ZDHHC15: variants seen among roughly 807,000 people sequenced by gnomAD.
ZDHHC15 encodes zDHHC palmitoyltransferase 15.
ZDHHC15 carries 19 observed loss-of-function variants against 31.7 expected under a neutral mutation model. The ratio of observed to expected loss-of-function variants is 0.60; its 90% CI spans 0.42 to 0.88. The LOEUF (loss-of-function observed/expected upper bound fraction) is 0.88, where lower values mean the gene tolerates loss of function less well. ZDHHC15 is among the 40% of genes least tolerant of loss of function. The pLI, the probability that ZDHHC15 is intolerant of heterozygous loss-of-function variation, is 0.00. For synonymous variants in ZDHHC15, 103 were observed against 90.0 expected (o/e 1.14, Z -0.82); for missense variants, 209 against 251.2 (o/e 0.83, Z 1.14).
chrX:75,502,575 G>A lies in ZDHHC15; in HGVS notation c.163+3246C>T, dbSNP rs1017467922. Among the ~76,000 whole-genome samples the A allele has an allele frequency of 1.9e-4, 21 of 111,416 alleles. 1 individual carries two copies. Among genetic ancestry groups the A allele is most frequent in the African/African-American group, 6.8e-4 (21 of 30,719 alleles). On this transcript the variant is annotated intron_variant, in intron 2 of 11. Coordinates refer to ENST00000373367, the MANE Select transcript of ZDHHC15 (RefSeq NM_144969.3). ...GAACTTTTGTTTAAAATGATTAATG[G>A]ACCTTTTTGCAGAAGAGCAACTGTG... is the stretch of plus-strand genomic sequence containing the variant.
At chrX:75,520,270 A>G (rs753083769) in intron 1 of ZDHHC15, among the ~76,000 whole-genome samples, 1 of 112,154 alleles carries the variant, frequency 8.9e-6, no homozygotes, top group South Asian at 3.7e-4. Flanking sequence ...TTCATCTGTT[A>G]ATATTACATG....
chrX:75,396,985 G>C (rs976057229), intron 10 of ZDHHC15, among the ~76,000 whole-genome samples: 2 of 110,764 alleles, frequency 1.8e-5, no homozygotes, highest in Non-Finnish European at 3.8e-5. Flanking sequence ...GGTAACCAGA[G>C]GCTGGGAATG....
chrX:75,517,205 A>G (rs1468422815), intron 1 of ZDHHC15, among the ~76,000 whole-genome samples: 1 of 111,900 alleles, frequency 8.9e-6, no homozygotes, highest in Non-Finnish European at 1.9e-5. Context: ...TAGAACTAGA[A>G]ATACTAATTG....
chrX:75,518,838 CACACACACAA>C (rs1186850688), intron 1 of ZDHHC15, among the ~76,000 whole-genome samples: 5 of 89,679 alleles, frequency 5.6e-5, no homozygotes, highest in African/African-American at 2.1e-4. Flanking sequence ...CACACACACA[CACACACACAA>C]TAGACTATTA....
At chrX:75,439,197 A>G (rs946123340) in intron 4 of ZDHHC15, among the ~76,000 whole-genome samples, 1 of 111,623 alleles carries the variant, frequency 9.0e-6, no homozygotes, top group Non-Finnish European at 1.9e-5. Context: ...GGATGTCTAT[A>G]TCTCTAGCAA....
At chrX:75,468,766 C>G (rs998268229) in intron 3 of ZDHHC15, among the ~76,000 whole-genome samples, 3 of 111,761 alleles carry the variant, frequency 2.7e-5, no homozygotes, top group Non-Finnish European at 5.6e-5. Flanking sequence ...ATTTGGCTAT[C>G]CTAGTAGGTA....
At chrX:75,513,757 G>A (rs184714051) in intron 1 of ZDHHC15, among the ~76,000 whole-genome samples, 3 of 111,005 alleles carry the variant, frequency 2.7e-5, no homozygotes, top group African/African-American at 9.8e-5. Context: ...AAACATCCAA[G>A]AAGTGCAATG....
rs370957812 is a variant in ZDHHC15, at chrX:75,492,545, G to A, written c.163+13276C>T. On this transcript the variant is annotated intron_variant, in intron 2 of 11. Transcript: ENST00000373367. ...CATAGTTGGAAGTAAAGCACTCCTC[G>A]GCAAATGTAAAAGAACAGAAATTAT... Among the ~76,000 whole-genome samples the A allele has an allele frequency of 1.3e-4, 14 of 111,133 alleles. No individual in the cohort carries two copies. In the East Asian group the frequency reaches 2.5e-3, roughly 20 times the overall value.
chrX:75,437,442 C>G (rs1415844205), intron 4 of ZDHHC15, among the ~76,000 whole-genome samples: 3 of 62,709 alleles, frequency 4.8e-5, no homozygotes, highest in African/African-American at 1.8e-4. Context: ...CCCCCTCCCC[C>G]CACCCCACAA....
intron 7 of ZDHHC15, 50 bp downstream of exon 7, chrX:75,429,028 A>G (rs2083746220): frequency 8.4e-6 from 10 of 1,189,132 alleles, no homozygotes; most frequent in Non-Finnish European, 1.0e-5. Context: ...CACAAGTTGG[A>G]GTGGGTGTGC....
intron 4 of ZDHHC15, among the ~76,000 whole-genome samples, chrX:75,442,739 C>A (rs1023909398): frequency 9.9e-5 from 11 of 111,142 alleles, no homozygotes; most frequent in Admixed American, 7.6e-4. Context: ...GTAATCCCAG[C>A]ACTTTGGGAG....
intron 2 of ZDHHC15, among the ~76,000 whole-genome samples, chrX:75,484,277 T>C (rs1235375986): frequency 8.9e-6 from 1 of 111,791 alleles, no homozygotes; most frequent in Non-Finnish European, 1.9e-5. Flanking sequence ...TTCCATTGAT[T>C]GTAATTTTGC....
At chrX:75,429,003 G>C in intron 7 of ZDHHC15, 75 bp downstream of exon 7, 1 of 1,149,669 alleles carries the variant, frequency 8.7e-7, no homozygotes, top group Non-Finnish European at 1.2e-6. Flanking sequence ...TAAAAAGATA[G>C]AGGGTGAACA....
At chrX:75,491,518 T>G (rs1162568674) in intron 2 of ZDHHC15, among the ~76,000 whole-genome samples, 1 of 105,566 alleles carries the variant, frequency 9.5e-6, no homozygotes, top group African/African-American at 3.5e-5. Context: ...GAGATATACC[T>G]AATGCTAAAT....
At chrX:75,477,543 T>C (rs1338188577) in intron 3 of ZDHHC15, among the ~76,000 whole-genome samples, 1 of 111,945 alleles carries the variant, frequency 8.9e-6, no homozygotes, top group Non-Finnish European at 1.9e-5. Context: ...GGCTCTCTTA[T>C]TACACACATA....
At chrX:75,440,281 C>CAT (rs61699176) in intron 4 of ZDHHC15, among the ~76,000 whole-genome samples, 47 of 108,015 alleles carry the variant, frequency 4.4e-4, no homozygotes, top group Middle Eastern at 4.6e-3. Context: ...TTTTCTTTTC[C>CAT]TTTTTTTTTT....
intron 10 of ZDHHC15, chrX:75,384,333 G>A (rs1219903923): frequency 7.3e-6 from 6 of 821,870 alleles, no homozygotes; most frequent in Non-Finnish European, 1.1e-5. Flanking sequence ...CCATCTTCCA[G>A]TAATTCGCCA....
intron 3 of ZDHHC15, among the ~76,000 whole-genome samples, chrX:75,473,220 T>A (rs969728400): frequency 1.8e-5 from 2 of 111,909 alleles, no homozygotes; most frequent in African/African-American, 3.2e-5. Flanking sequence ...GAAATCACAA[T>A]TACATGTCAA....
chrX:75,423,029 T>C (rs1039375059), intron 8 of ZDHHC15, among the ~76,000 whole-genome samples: 3 of 88,371 alleles, frequency 3.4e-5, no homozygotes, highest in South Asian at 6.6e-4. Context: ...TTTTAAAAAA[T>C]AGATACAGGG....
Sources: allele counts gnomAD v4.1 joint callset (sites outside exome capture counted in the v4.1 genomes callset), GRCh38; gene constraint gnomAD v4.1.1; transcripts MANE v1.5; gene names NCBI Gene and HGNC (gene_info 2026-07-23, HGNC 2026-07-21).